ZDHHC15: variants seen among roughly 807,000 people sequenced by gnomAD.
The protein encoded by ZDHHC15 is palmitoyltransferase ZDHHC15.
A neutral mutation model predicts 31.7 loss-of-function variants in ZDHHC15; 19 were observed. The observed-to-expected ratio is 0.60, with a 90% CI of 0.42 to 0.88. ZDHHC15 has a LOEUF of 0.88. ZDHHC15 is among the 40% of genes least tolerant of loss of function. The probability of loss-of-function intolerance (pLI) is 0.00; values close to 1 mark genes in which losing one functional copy is unlikely to be tolerated. For missense variants in ZDHHC15, 209 were observed against 251.2 expected (o/e 0.83, Z 1.14); for synonymous variants, 103 against 90.0 (o/e 1.14, Z -0.82).
At chrX:75,487,586 C>T (rs1364771018) in intron 2 of ZDHHC15, among the ~76,000 whole-genome samples, 1 of 111,836 alleles carries the variant, frequency 8.9e-6, no homozygotes, top group Non-Finnish European at 1.9e-5. Flanking sequence ...TAAGAAGGAA[C>T]CAGAAAAACA....
rs192630906 is a variant in ZDHHC15 at position 75,409,571 on chromosome X, C to A, written c.967+7516G>T. Among the ~76,000 whole-genome samples, 345 of 101,465 alleles carry A rather than the reference C, an allele frequency of 3.4e-3. 1 individual carries two copies. Among genetic ancestry groups the A allele is most frequent in the African/African-American group, 0.012 (330 of 27,148 alleles). The allele number at this position is 101,465 out of a possible 115,157, so 88.1% of individuals were successfully genotyped here. A position where few individuals can be genotyped will look rare whatever the true frequency, so the allele number is the denominator to read the frequency against. On this transcript the variant is annotated intron_variant, in intron 10 of 11. Coordinates refer to ENST00000373367, the MANE Select transcript of ZDHHC15 (RefSeq NM_144969.3). Reference sequence around the variant, plus strand: ...CAGCACTTTGGGAGGCTGAGGCGGGCGGATCATGAGATCAGGAGATTGAGA... The same window carrying A: ...CAGCACTTTGGGAGGCTGAGGCGGGAGGATCATGAGATCAGGAGATTGAGA...
At chrX:75,497,510 G>T (rs924758325) in intron 2 of ZDHHC15, among the ~76,000 whole-genome samples, 1 of 110,885 alleles carries the variant, frequency 9.0e-6, no homozygotes, top group Non-Finnish European at 1.9e-5. Flanking sequence ...CCAAAACCAG[G>T]AAAGGACATA....
intron 1 of ZDHHC15, among the ~76,000 whole-genome samples, chrX:75,517,866 C>T (rs1239714427): frequency 9.1e-6 from 1 of 110,162 alleles, no homozygotes; most frequent in African/African-American, 3.3e-5. Context: ...ACACAGGGCA[C>T]ACGCCTGTAG....
chrX:75,404,222 C>A (rs948666023), intron 10 of ZDHHC15, among the ~76,000 whole-genome samples: 1 of 111,809 alleles, frequency 8.9e-6, no homozygotes, highest in Non-Finnish European at 1.9e-5. Context: ...ATACAAAAAT[C>A]AATTCAAGAT....
At chrX:75,421,386 G>GTA (rs1424914471) in intron 9 of ZDHHC15, among the ~76,000 whole-genome samples, 113 of 2,581 alleles carry the variant, frequency 0.044, 5 homozygotes, top group African/African-American at 0.077. Flanking sequence ...CAGTATGTGT[G>GTA]TATATATATA....
intron 3 of ZDHHC15, among the ~76,000 whole-genome samples, chrX:75,475,817 G>A (rs1050031887): frequency 9.8e-5 from 11 of 111,809 alleles, no homozygotes; most frequent in Non-Finnish European, 1.9e-4. Context: ...TAGTATTTAC[G>A]TTTTAACAAT....
At chrX:75,436,129 C>T (rs182343825) in intron 4 of ZDHHC15, among the ~76,000 whole-genome samples, 13 of 111,221 alleles carry the variant, frequency 1.2e-4, no homozygotes, top group African/African-American at 3.3e-4. Flanking sequence ...TTTGTGCCCA[C>T]GAATGTGTCC....
intron 7 of ZDHHC15, among the ~76,000 whole-genome samples, chrX:75,428,820 G>A (rs1358914775): frequency 1.8e-5 from 2 of 111,795 alleles, no homozygotes; most frequent in Non-Finnish European, 3.8e-5. Flanking sequence ...ATCAATAGGA[G>A]TCAAGAGATT....
chrX:75,397,585 TAAAG>T (rs2147788533), intron 10 of ZDHHC15, among the ~76,000 whole-genome samples: 1 of 110,158 alleles, frequency 9.1e-6, no homozygotes, highest in Admixed American at 9.6e-5. Context: ...GCTGAATGAA[TAAAG>T]AAACAACCTG....
chrX:75,385,823 C>G (rs2083173471), intron 10 of ZDHHC15, among the ~76,000 whole-genome samples: 1 of 111,741 alleles, frequency 8.9e-6, no homozygotes, highest in Admixed American at 9.6e-5. Flanking sequence ...AGCAAATCAC[C>G]TTTCCTTTGA....
chrX:75,504,277 G>A (rs2085126875), intron 2 of ZDHHC15, among the ~76,000 whole-genome samples: 1 of 111,331 alleles, frequency 9.0e-6, no homozygotes, highest in Admixed American at 9.6e-5. Context: ...TGTGATTTGA[G>A]GCTTTAATTT....
chrX:75,519,280 AG>A (rs2085412117), intron 1 of ZDHHC15, among the ~76,000 whole-genome samples: 1 of 111,887 alleles, frequency 8.9e-6, no homozygotes, highest in Non-Finnish European at 1.9e-5. Flanking sequence ...TTCCTGGGTC[AG>A]GAAGAATCCT....
At chrX:75,522,693 G>T (rs1320078193) in intron 1 of ZDHHC15, among the ~76,000 whole-genome samples, 196 bp downstream of exon 1, 1 of 110,234 alleles carries the variant, frequency 9.1e-6, no homozygotes, top group Non-Finnish European at 1.9e-5. Flanking sequence ...AGACGATGGA[G>T]ACACGGCGGG....
chrX:75,459,069 C>T (rs1229317314), intron 3 of ZDHHC15, among the ~76,000 whole-genome samples: 2 of 107,081 alleles, frequency 1.9e-5, no homozygotes, highest in African/African-American at 6.8e-5. Flanking sequence ...GGAAATCACT[C>T]TTCTCCCACA....
Position 75,522,973 on chromosome X carries a change from G to C in ZDHHC15, c.52C>G (p.Arg18Gly). The C allele has an allele frequency of 8.3e-7, 1 of 1,211,605 alleles. No individual in the cohort carries two copies. Among genetic ancestry groups the C allele is most frequent in the Non-Finnish European group, 1.1e-6 (1 of 895,382 alleles). The part of the protein sequence containing the change: ...ALSGGLRCCR[R>G]VLSWVPVLVI... ...AGCACTGGCACCCAGGACAGTACCC[G>C]GCGGCAGCACCGCAGCCCCCCAGAC... The change falls in exon 1 of 12, where the codon CGG becomes GGG. Residue 18 changes from arginine to glycine, a missense_variant. By Grantham distance (125) the Arg-to-Gly change is moderately radical. Coordinates refer to ENST00000373367, the MANE Select transcript of ZDHHC15 (RefSeq NM_144969.3).
intron 3 of ZDHHC15, among the ~76,000 whole-genome samples, chrX:75,466,528 C>T (rs991561619): frequency 9.0e-6 from 1 of 111,025 alleles, no homozygotes; most frequent in African/African-American, 3.3e-5. Context: ...CCATGTGTAA[C>T]TGTGAGTCAA....
At chrX:75,382,568 T>A (rs200068700) in intron 10 of ZDHHC15, among the ~76,000 whole-genome samples, 3 of 112,309 alleles carry the variant, frequency 2.7e-5, no homozygotes, top group African/African-American at 9.7e-5. Context: ...TTTATAGGCA[T>A]GTGGCCAAAA....
At chrX:75,479,665 C>A (rs1160135054) in intron 2 of ZDHHC15, among the ~76,000 whole-genome samples, 1 of 111,033 alleles carries the variant, frequency 9.0e-6, no homozygotes, top group Non-Finnish European at 1.9e-5. Context: ...CCTCTCCTAC[C>A]CCCTCACCCA....
intron 3 of ZDHHC15, among the ~76,000 whole-genome samples, chrX:75,459,188 C>T (rs2084273651): frequency 9.1e-6 from 1 of 109,890 alleles, no homozygotes; most frequent in East Asian, 2.9e-4. Flanking sequence ...GCTGCTCAGC[C>T]ACACACAGAG....
Sources: gnomAD v4.1 joint callset for allele counts (sites outside exome capture counted in the v4.1 genomes callset) on GRCh38, gnomAD v4.1.1 for gene constraint, MANE v1.5 for transcripts, NCBI Gene and HGNC (gene_info 2026-07-23, HGNC 2026-07-21) for gene names.